The following SGCZ variants were observed in gnomAD, a reference collection of about 807,000 sequenced individuals.
SGCZ encodes zeta-sarcoglycan.
A neutral mutation model predicts 41.3 loss-of-function variants in SGCZ; 40 were observed. The ratio of observed to expected loss-of-function variants is 0.97; its 90% CI spans 0.75 to 1.26. SGCZ has a LOEUF of 1.26. Ranked by LOEUF, SGCZ falls within the 50% of genes most tolerant of loss-of-function variation. The pLI is 0.00. For missense variants in SGCZ, 552 were observed against 369.8 expected (o/e 1.49, Z -4.04); for synonymous variants, 206 against 137.5 (o/e 1.50, Z -3.49).
At chr8:14,511,191 A>G (rs1802457456) in intron 2 of SGCZ, among the ~76,000 whole-genome samples, 1 of 131,376 alleles carries the variant, frequency 7.6e-6, no homozygotes, top group Non-Finnish European at 1.6e-5. Flanking sequence ...TTGACTATAT[A>G]AAACTACGAA....
At chr8:14,554,973 G>A (rs867215288) in intron 1 of SGCZ, 47 bp from the exon 2 acceptor site, 13 of 1,447,474 alleles carry the variant, frequency 9.0e-6, no homozygotes, top group South Asian at 6.1e-5. Flanking sequence ...AAAAAAAGAA[G>A]CATTAAAAAA....
chr8:14,687,857 T>C (rs1219726646), intron 1 of SGCZ, among the ~76,000 whole-genome samples: 1 of 152,128 alleles, frequency 6.6e-6, no homozygotes, highest in Non-Finnish European at 1.5e-5. Flanking sequence ...CCAGCACCTG[T>C]TGTTTCCTGA....
intron 2 of SGCZ, among the ~76,000 whole-genome samples, chr8:14,501,074 G>C (rs929485108): frequency 1.3e-5 from 2 of 151,928 alleles, no homozygotes; most frequent in African/African-American, 2.4e-5. Flanking sequence ...TGTTAGTAGG[G>C]TTGCATTCTT....
intron 1 of SGCZ, among the ~76,000 whole-genome samples, chr8:15,115,699 T>C (rs1019938127): frequency 6.6e-6 from 1 of 152,230 alleles, no homozygotes; most frequent in African/African-American, 2.4e-5. Context: ...GATTCAGATG[T>C]TCCATTGTGC....
At chr8:14,942,336 G>A (rs910494566) in intron 1 of SGCZ, among the ~76,000 whole-genome samples, 1 of 152,020 alleles carries the variant, frequency 6.6e-6, no homozygotes, top group Non-Finnish European at 1.5e-5. Context: ...TGAGAAATAA[G>A]GCCAACTGTT....
intron 1 of SGCZ, among the ~76,000 whole-genome samples, chr8:14,945,158 G>T (rs1370445761): frequency 8.0e-6 from 1 of 125,046 alleles, no homozygotes; most frequent in Admixed American, 8.9e-5. Context: ...TGTTGTGTGT[G>T]GGTGGGTGGG....
intron 2 of SGCZ, among the ~76,000 whole-genome samples, chr8:14,531,081 T>C (rs1010086315): frequency 1.7e-4 from 26 of 152,010 alleles, no homozygotes; most frequent in Admixed American, 6.6e-4. Flanking sequence ...GACTGAGAAC[T>C]TCCATTCTTG....
chr8:15,195,015 A>AT (rs1240220107), intron 1 of SGCZ, among the ~76,000 whole-genome samples: 1 of 152,222 alleles, frequency 6.6e-6, no homozygotes, highest in Non-Finnish European at 1.5e-5. Context: ...TAAAATTCCC[A>AT]TCTTATTATC....
chr8:15,209,860 A>G (rs1480795506), intron 1 of SGCZ, among the ~76,000 whole-genome samples: 1 of 152,198 alleles, frequency 6.6e-6, no homozygotes, highest in Non-Finnish European at 1.5e-5. Flanking sequence ...TTCTTAGCTA[A>G]TCATGGGGGC....
chr8:14,251,504 A>G (rs1799285227), intron 3 of SGCZ, among the ~76,000 whole-genome samples: 1 of 152,180 alleles, frequency 6.6e-6, no homozygotes, highest in Admixed American at 6.5e-5. Context: ...GTATTATACC[A>G]AAGTATTATA....
At chr8:14,453,179 T>A (rs544620032) in intron 2 of SGCZ, among the ~76,000 whole-genome samples, 1 of 152,286 alleles carries the variant, frequency 6.6e-6, no homozygotes, top group East Asian at 1.9e-4. Context: ...CATGTATATA[T>A]TTTTATAAGT....
chr8:14,880,159 C>T (rs1804533610), intron 1 of SGCZ, among the ~76,000 whole-genome samples: 1 of 152,076 alleles, frequency 6.6e-6, no homozygotes, highest in Non-Finnish European at 1.5e-5. Context: ...CTGCATTTAA[C>T]TCAGGCATTA....
intron 1 of SGCZ, among the ~76,000 whole-genome samples, chr8:15,102,157 C>G (rs949808301): frequency 1.3e-5 from 2 of 152,136 alleles, no homozygotes; most frequent in Non-Finnish European, 2.9e-5. Context: ...TACAAACAAC[C>G]AAGGTGTCCT....
chr8:14,617,836 T>C (rs1046878352), intron 1 of SGCZ, among the ~76,000 whole-genome samples: 1 of 114,186 alleles, frequency 8.8e-6, no homozygotes, highest in Non-Finnish European at 1.9e-5. Flanking sequence ...GTTTTTATAA[T>C]TTTTTGTGTG....
At chr8:14,965,633 C>A (rs1801106405) in intron 1 of SGCZ, among the ~76,000 whole-genome samples, 1 of 152,002 alleles carries the variant, frequency 6.6e-6, no homozygotes, top group Non-Finnish European at 1.5e-5. Context: ...CAGTCTTAAT[C>A]AAGATATTAA....
At chr8:15,044,888 G>T (rs1325037942) in intron 1 of SGCZ, among the ~76,000 whole-genome samples, 5 of 152,080 alleles carry the variant, frequency 3.3e-5, no homozygotes, top group Admixed American at 2.0e-4. Flanking sequence ...AATAAGAGTG[G>T]CTATAATAGT....
At chr8:15,100,853 G>A (rs1381971463) in intron 1 of SGCZ, among the ~76,000 whole-genome samples, 3 of 152,038 alleles carry the variant, frequency 2.0e-5, no homozygotes, top group Non-Finnish European at 4.4e-5. Context: ...GTTGGGCATG[G>A]TGGCGCACAC....
At chr8:14,581,287 T>G (rs1176035910) in intron 1 of SGCZ, among the ~76,000 whole-genome samples, 1 of 152,028 alleles carries the variant, frequency 6.6e-6, no homozygotes, top group Non-Finnish European at 1.5e-5. Context: ...TTTGTATTTT[T>G]ATAGATACGG....
chr8:14,976,001 C>CATATATATATATATATATATATACATAT (rs145427292), intron 1 of SGCZ, among the ~76,000 whole-genome samples: 1 of 140,174 alleles, frequency 7.1e-6, no homozygotes, highest in Non-Finnish European at 1.5e-5. Flanking sequence ...TATATATATA[C>CATATATATATATATATATATATACATAT]ATATATATAT....
Sources: gnomAD v4.1 joint callset for allele counts (sites outside exome capture counted in the v4.1 genomes callset) on GRCh38, gnomAD v4.1.1 for gene constraint, MANE v1.5 for transcripts, NCBI Gene and HGNC (gene_info 2026-07-23, HGNC 2026-07-21) for gene names.